Variants in ADGRB3 observed in about 807,000 individuals in gnomAD.
ADGRB3 encodes the protein brain-specific angiogenesis inhibitor 3.
In ADGRB3, 37 loss-of-function variants were observed where a neutral mutation model predicts 193.4. That is an observed-to-expected ratio of 0.19 (90% CI 0.15 to 0.25). The LOEUF (loss-of-function observed/expected upper bound fraction) is 0.25. ADGRB3 is among the 10% of genes least tolerant of loss of function. The pLI is 1.00. For synonymous variants in ADGRB3, 690 were observed against 644.2 expected, an observed-to-expected ratio of 1.07 and a Z score of -1.08; for missense variants, 1,637 against 1,852.9, an observed-to-expected ratio of 0.88 and a Z score of 2.14.
intron 3 of ADGRB3, among the ~76,000 whole-genome samples, chr6:68,672,694 T>G (rs1291727002): frequency 6.6e-6 from 1 of 152,076 alleles, no homozygotes; most frequent in Non-Finnish European, 1.5e-5. Flanking sequence ...ATGTGTCAAG[T>G]TGGCTAGTAC....
In ADGRB3 at chr6:68,639,174, G is replaced by T; in HGVS notation, c.499G>T (p.Gly167Cys). Residue 167 changes from glycine to cysteine, a missense_variant, in exon 3 of 32, where the codon GGT becomes TGT. This residue lies in a region of ADGRB3 where 365 missense variants were observed against 409.8 expected (regional missense o/e 0.89). Transcript: ENST00000370598. ...GAACAAGGTCAGCCCAAGCCAGTTT[G>T]GTTGCCATGTATTATGTACTTGGTT... The part of the protein sequence containing the change: ...VLNKVSPSQF[G>C]CHVLCTWLES... 1 of 1,614,152 alleles carries T rather than the reference G, an allele frequency of 6.2e-7. No individual in the cohort carries two copies. Among genetic ancestry groups the T allele is most frequent in the Non-Finnish European group, 8.5e-7 (1 of 1,180,040 alleles).
At chr6:69,280,329 T>C (rs1209628015) in intron 20 of ADGRB3, among the ~76,000 whole-genome samples, 1 of 152,054 alleles carries the variant, frequency 6.6e-6, no homozygotes, top group East Asian at 1.9e-4. Flanking sequence ...CCCCAACCTA[T>C]TGTGGAACCT....
At chr6:68,932,125 C>CGTA (rs1767354874) in intron 4 of ADGRB3, among the ~76,000 whole-genome samples, 1 of 152,050 alleles carries the variant, frequency 6.6e-6, no homozygotes, top group Non-Finnish European at 1.5e-5. Context: ...GCTGACTACT[C>CGTA]ATCTTTGTCG....
intron 3 of ADGRB3, among the ~76,000 whole-genome samples, chr6:68,661,484 T>TATATATATGTGTGTATAC (rs1561986422): frequency 1.1e-5 from 1 of 90,596 alleles, no homozygotes; most frequent in East Asian, 3.2e-4. Flanking sequence ...TGTGTATACA[T>TATATATATGTGTGTATAC]ATATATATGT....
chr6:68,661,288 C>A (rs1768624027), intron 3 of ADGRB3, among the ~76,000 whole-genome samples: 1 of 133,432 alleles, frequency 7.5e-6, no homozygotes, highest in South Asian at 2.3e-4. Flanking sequence ...TTATAGGTGG[C>A]CAAAATATAT....
chr6:68,779,636 C>T (rs933774589), intron 3 of ADGRB3, among the ~76,000 whole-genome samples: 1 of 152,080 alleles, frequency 6.6e-6, no homozygotes, highest in African/African-American at 2.4e-5. Context: ...TTTCATATGC[C>T]AAGCACTGTG....
intron 20 of ADGRB3, among the ~76,000 whole-genome samples, chr6:69,262,903 G>A (rs988320808): frequency 9.9e-5 from 15 of 151,812 alleles, no homozygotes; most frequent in Non-Finnish European, 1.6e-4. Context: ...ACATATTCCC[G>A]TCCCATAAAG....
intron 3 of ADGRB3, among the ~76,000 whole-genome samples, chr6:68,787,841 T>C (rs1235645862): frequency 6.6e-6 from 1 of 152,214 alleles, no homozygotes; most frequent in Non-Finnish European, 1.5e-5. Flanking sequence ...AGCCTGTTAT[T>C]GGTCTATTCA....
At chr6:68,839,510 C>G (rs1305740697) in intron 3 of ADGRB3, among the ~76,000 whole-genome samples, 1 of 152,074 alleles carries the variant, frequency 6.6e-6, no homozygotes, top group Non-Finnish European at 1.5e-5. Context: ...TTTTGATGAC[C>G]AAACTTTACA....
intron 3 of ADGRB3, among the ~76,000 whole-genome samples, chr6:68,864,063 T>C (rs948333372): frequency 2.0e-5 from 3 of 152,170 alleles, no homozygotes; most frequent in Admixed American, 2.0e-4. Context: ...ATTTATTTCT[T>C]CTCTTCAATT....
intron 16 of ADGRB3, among the ~76,000 whole-genome samples, chr6:69,067,724 T>G (rs1216681735): frequency 6.6e-6 from 1 of 152,144 alleles, no homozygotes; most frequent in African/African-American, 2.4e-5. Flanking sequence ...TGGAGAGTCT[T>G]GAAATGCTAC....
chr6:68,869,086 CCTT>C (rs1432615548), intron 3 of ADGRB3, among the ~76,000 whole-genome samples: 1 of 152,088 alleles, frequency 6.6e-6, no homozygotes, highest in Non-Finnish European at 1.5e-5. Flanking sequence ...AAGATTTTAT[CCTT>C]CTCAGCAGTC....
intron 3 of ADGRB3, among the ~76,000 whole-genome samples, chr6:68,738,662 G>A (rs915150438): frequency 7.9e-5 from 12 of 152,158 alleles, no homozygotes; most frequent in Admixed American, 1.3e-4. Context: ...TGACGTTAAG[G>A]TTTTTGGCAT....
At chr6:68,648,558 C>T (rs1768271454) in intron 3 of ADGRB3, among the ~76,000 whole-genome samples, 1 of 148,276 alleles carries the variant, frequency 6.7e-6, no homozygotes, top group Non-Finnish European at 1.5e-5. Context: ...TAGGATGTAG[C>T]AAATGTACTC....
chr6:68,902,912 C>T (rs1766437610), intron 3 of ADGRB3, among the ~76,000 whole-genome samples: 1 of 152,042 alleles, frequency 6.6e-6, no homozygotes, highest in Admixed American at 6.6e-5. Flanking sequence ...TTCATTGCAA[C>T]TTCTCTGGTT....
At chr6:69,355,990 C>T in intron 28 of ADGRB3, 130 bp downstream of exon 28, 3 of 701,422 alleles carry the variant, frequency 4.3e-6, no homozygotes, top group Non-Finnish European at 6.7e-6. Context: ...ATATGTAAAG[C>T]AGCCCCCAAA....
chr6:68,738,806 T>C (rs1010393547), intron 3 of ADGRB3, among the ~76,000 whole-genome samples: 1 of 152,128 alleles, frequency 6.6e-6, no homozygotes. Flanking sequence ...TTCAGAGGGA[T>C]GTCCAAATAA....
chr6:68,800,582 G>A (rs1767292169), intron 3 of ADGRB3, among the ~76,000 whole-genome samples: 1 of 152,048 alleles, frequency 6.6e-6, no homozygotes, highest in Non-Finnish European at 1.5e-5. Flanking sequence ...AAGGAGAAGG[G>A]GAATAAACTG....
chr6:68,655,606 A>G (rs1420268097), intron 3 of ADGRB3, among the ~76,000 whole-genome samples: 4 of 151,688 alleles, frequency 2.6e-5, no homozygotes, highest in Non-Finnish European at 5.9e-5. Flanking sequence ...TGCATCTTTA[A>G]TTCTTTATTT....
Sources: gnomAD v4.1 joint callset for allele counts (sites outside exome capture counted in the v4.1 genomes callset) on GRCh38, gnomAD v4.1.1 for gene constraint, gnomAD v4.1.1 regional missense constraint, MANE v1.5 for transcripts, NCBI Gene and HGNC (gene_info 2026-07-23, HGNC 2026-07-21) for gene names.